Variants in CC2D1B observed in about 807,000 individuals in gnomAD.
The protein encoded by CC2D1B is coiled-coil and C2 domain-containing protein 1B.
CC2D1B carries 92 observed loss-of-function variants against 110.8 expected under a neutral mutation model. The observed-to-expected ratio is 0.83, with a 90% CI of 0.70 to 0.99. The LOEUF (loss-of-function observed/expected upper bound fraction) is 0.99. CC2D1B is among the 50% of genes least tolerant of loss of function. The pLI, the probability that CC2D1B is intolerant of heterozygous loss-of-function variation, is 0.00. For missense variants in CC2D1B, 1,136 were observed against 1,089.0 expected (o/e 1.04, Z -0.61); for synonymous variants, 406 against 429.2 (o/e 0.95, Z 0.67).
At chr1:52,353,776 T>C in intron 23 of CC2D1B, 129 bp from the exon 24 acceptor site, 1 of 655,664 alleles carries the variant, frequency 1.5e-6, no homozygotes. Flanking sequence ...GGAATCTCCA[T>C]TCATGAAAAC....
chr1:52,357,830 G>A lies in CC2D1B; in HGVS notation c.1530C>T (p.Arg510=). 1.3e-6 allele frequency: 2 copies of A among 1,594,100 alleles called. No individual in the cohort carries two copies. Among genetic ancestry groups the A allele is most frequent in the Non-Finnish European group, 1.7e-6 (2 of 1,170,708 alleles). The change falls in exon 14 of 25, where the codon CGC becomes CGT. Residue 510 remains arginine, a synonymous_variant. Coordinates refer to ENST00000284376, the MANE Select transcript of CC2D1B (RefSeq NM_001330585.2). ...PARPTVPSSQ[R]LPEPRASSSK... ...AACTTGAGGCCCTGGGCTCAGGCAG[G>A]CGCTGGGATGAAGGGACTGTGGGCC...
chr1:52,362,183 AAAG>A (rs1646794493), intron 3 of CC2D1B, among the ~76,000 whole-genome samples: 1 of 152,126 alleles, frequency 6.6e-6, no homozygotes, highest in Non-Finnish European at 1.5e-5. Context: ...TTCCCGGTGA[AAAG>A]AGAGGACGAT....
Position 52,356,286 on chromosome 1 carries a change from G to A in CC2D1B, c.1954C>T (p.Gln652Ter). The A allele has an allele frequency of 1.2e-6, 2 of 1,614,174 alleles. No individual in the cohort carries two copies. Among genetic ancestry groups the A allele is most frequent in the East Asian group, 2.2e-5 (1 of 44,880 alleles). Residue 652 changes from glutamine to a stop codon, truncating the protein, a stop_gained, in exon 18 of 25, where the codon CAG becomes TAG. Coordinates refer to ENST00000284376, the MANE Select transcript of CC2D1B (RefSeq NM_001330585.2). LOFTEE classifies it high-confidence loss of function. ...ATCTCCAGCTGTTTCTTGCGGTCCT[G>A]AGCAAGCTTCTCAAATCTGACAGGG... ...AETTRFEKLAQDRKKQLEILQ... is the reference protein window; with the variant it reads ...AETTRFEKLA
Position 52,355,380 on chromosome 1 carries a change from C to T in CC2D1B, c.2239+18G>A. The T allele has an allele frequency of 6.2e-7, 1 of 1,612,670 alleles. No individual in the cohort carries two copies. The highest frequency in any genetic ancestry group is 8.5e-7 in the Non-Finnish European group (1 of 1,178,896). On this transcript the variant is annotated intron_variant, in intron 21 of 24. Transcript: ENST00000284376. ...CACACTCTGAGGGAGGAGAAAGAGG[C>T]CCACGTGTGGCCCTCACCTGGAGAG...
In CC2D1B at chr1:52,361,508, C is replaced by T. The variant is rs1269818842; in HGVS notation, c.318+5G>A. 1.2e-6 allele frequency: 2 copies of T among 1,613,730 alleles called. No individual in the cohort carries two copies. Among genetic ancestry groups the T allele is most frequent in the African/African-American group, 1.3e-5 (1 of 74,916 alleles). ...AGCCCTGGGATACCAGCCTGGCAGA[C>T]ACACCAGCAGCTCTGCATCTTCCTC... On this transcript the variant is annotated splice_donor_5th_base_variant and intron_variant, in intron 4 of 24. Transcript: ENST00000284376.
chr1:52,355,634 G>A lies in CC2D1B; in HGVS notation c.2161C>T (p.Arg721Trp), dbSNP rs746033572. ...VTPDDLDAFV[R>W]FEFHYPNSDQ... ...GAGTTAGGGTAGTGAAACTCAAACC[G>A]CACAAAAGCATCCAGGTCATCGGGA... Residue 721 changes from arginine (R) to tryptophan (W), a missense_variant, in exon 20 of 25, where the codon CGG becomes TGG. Transcript: ENST00000284376. 9.3e-6 allele frequency: 15 copies of A among 1,614,150 alleles called. No homozygotes were observed. The highest frequency in any genetic ancestry group is 3.3e-4 in the Middle Eastern group (2 of 6,060).
chr1:52,356,723 G>A (rs1646660808), intron 16 of CC2D1B: 3 of 599,586 alleles, frequency 5.0e-6, no homozygotes, highest in Non-Finnish European at 8.8e-6. Flanking sequence ...CAGAACAGGT[G>A]GCAGTTCAGA....
intron 2 of CC2D1B, among the ~76,000 whole-genome samples, chr1:52,363,275 G>T (rs1365520374): frequency 6.6e-6 from 1 of 151,874 alleles, no homozygotes; most frequent in East Asian, 1.9e-4. Flanking sequence ...GGCGCCTGTA[G>T]TCCCAGCTAC....
Position 52,353,117 on chromosome 1 carries a change from T to A in CC2D1B, c.*108A>T, listed in dbSNP as rs1398056431. The A allele has an allele frequency of 8.7e-7, 1 of 1,147,746 alleles. No individual in the cohort carries two copies. Among genetic ancestry groups the A allele is most frequent in the Non-Finnish European group, 1.2e-6 (1 of 846,344 alleles). The allele number at this position is 1,147,746 out of a possible 1,614,324, so 71.1% of individuals were successfully genotyped here. On this transcript the variant is annotated 3_prime_UTR_variant, in exon 25 of 25. Transcript: ENST00000284376. ...ACATGCTTAACAGGTCTTTGGTGCT[T>A]GGGTAGCAGCATCTCTTATGTACAA...
At chr1:52,364,724 T>C in intron 1 of CC2D1B, 90 bp from the exon 2 acceptor site, 1 of 757,628 alleles carries the variant, frequency 1.3e-6, no homozygotes, top group Non-Finnish European at 2.1e-6. Context: ...GATAGTAAAC[T>C]CCCAAAGAAG....
In CC2D1B at chr1:52,353,102, C is replaced by G. The variant is rs940863734; in HGVS notation, c.*123G>C. The G allele has an allele frequency of 8.0e-6, 8 of 1,002,676 alleles. No individual in the cohort carries two copies. Among genetic ancestry groups the G allele is most frequent in the Non-Finnish European group, 9.8e-6 (7 of 714,428 alleles). The allele number at this position is 1,002,676 out of a possible 1,614,324, so 62.1% of individuals were successfully genotyped here. A position where few individuals can be genotyped will look rare whatever the true frequency, so the allele number is the denominator to read the frequency against. On this transcript the variant is annotated 3_prime_UTR_variant, in exon 25 of 25. Coordinates refer to ENST00000284376, the MANE Select transcript of CC2D1B (RefSeq NM_001330585.2). ...CGTGGTCAGTAGTGCACATGCTTAA[C>G]AGGTCTTTGGTGCTTGGGTAGCAGC... is the stretch of plus-strand genomic sequence containing the variant.
At chr1:52,362,842 G>A (rs1315227857) in intron 2 of CC2D1B, 96 bp from the exon 3 acceptor site, 6 of 1,283,296 alleles carry the variant, frequency 4.7e-6, no homozygotes, top group Non-Finnish European at 6.6e-6. Flanking sequence ...CCAATCAGTG[G>A]CTCCTTCAGT....
chr1:52,352,969 G>T lies in CC2D1B; in HGVS notation c.*256C>A. On this transcript the variant is annotated 3_prime_UTR_variant, in exon 25 of 25. Transcript: ENST00000284376. ...GGTACAGAGGAATGGAAGTGTCCTTGCCCTCTTCCAGACTCGGGGCAGGGG... is the reference window on the plus strand; with the variant it reads ...GGTACAGAGGAATGGAAGTGTCCTTTCCCTCTTCCAGACTCGGGGCAGGGG... The T allele has an allele frequency of 2.7e-6, 1 of 368,204 alleles. No homozygotes were observed. Among genetic ancestry groups the T allele is most frequent in the South Asian group, 2.1e-5 (1 of 47,440 alleles). 22.8% of individuals were successfully genotyped at this position (368,204 alleles called of 1,614,324 possible). A position where few individuals can be genotyped will look rare whatever the true frequency, so the allele number is the denominator to read the frequency against.
chr1:52,353,463 G>C (rs1646570287), intron 24 of CC2D1B, 55 bp downstream of exon 24: 1 of 1,563,754 alleles, frequency 6.4e-7, no homozygotes, highest in African/African-American at 1.4e-5. Context: ...GAGTTGAGTA[G>C]TTAGTTGAGT....
chr1:52,353,513 C>T lies in CC2D1B; in HGVS notation c.*1+5G>A. ...AAGGTTCTGAAGGCCCAGAGAGCTG[C>T]CCACCTCACAAGCCCCTGGGCTCCA... is the stretch of plus-strand genomic sequence containing the variant. On this transcript the variant is annotated splice_donor_5th_base_variant and intron_variant, in intron 24 of 24. Coordinates refer to ENST00000284376, the MANE Select transcript of CC2D1B (RefSeq NM_001330585.2). The T allele has an allele frequency of 6.2e-7, 1 of 1,609,054 alleles. No individual in the cohort carries two copies. The highest frequency in any genetic ancestry group is 1.3e-5 in the African/African-American group (1 of 74,702).
At position 52,361,071 on chromosome 1, in the gene CC2D1B, A is replaced by G. The variant is rs764158402; in HGVS notation, c.380T>C (p.Val127Ala). Reference sequence around the variant, plus strand: ...CTCCTCAGAGCCGCCTGGGTCAGCTACCTCATCACCATCCAGGGGCTCAGT... The same window carrying G: ...CTCCTCAGAGCCGCCTGGGTCAGCTGCCTCATCACCATCCAGGGGCTCAGT... ...EETEPLDGDE[V>A]ADPGGSEEEN... Residue 127 changes from valine to alanine, a missense_variant, in exon 5 of 25, where the codon GTA (valine) becomes GCA (alanine). By Grantham distance (64) the Val-to-Ala change is moderately conservative. Transcript: ENST00000284376. 2 of 1,613,782 alleles carry G rather than the reference A, an allele frequency of 1.2e-6. No individual in the cohort carries two copies. The highest frequency in any genetic ancestry group is 1.7e-6 in the Non-Finnish European group (2 of 1,179,964).
rs1646530634 is a variant in CC2D1B at position 52,351,552 on chromosome 1, TA to T, written c.*1672del. The stretch of plus-strand genomic sequence containing the variant: ...CATACACGTGACTGCAATTAAGTGT[TA>T]AATCTCACATCTGTGGAAGTTTTGG... On this transcript the variant is annotated 3_prime_UTR_variant, in exon 25 of 25. Transcript: ENST00000284376. 6.6e-6 allele frequency: 1 copy of T among 152,178 alleles called. No homozygotes were observed. Among genetic ancestry groups the T allele is most frequent in the Non-Finnish European group, 1.5e-5 (1 of 68,048 alleles). The allele number at this position is 152,178 out of a possible 1,614,324, so 9.4% of individuals were successfully genotyped here. A position where few individuals can be genotyped will look rare whatever the true frequency, so the allele number is the denominator to read the frequency against.
Position 52,357,112 on chromosome 1 carries a change from C to G in CC2D1B, c.1767G>C (p.Leu589Phe), listed in dbSNP as rs1309924470. 6.2e-7 allele frequency: 1 copy of G among 1,613,796 alleles called. No individual in the cohort carries two copies. Among genetic ancestry groups the G allele is most frequent in the African/African-American group, 1.3e-5 (1 of 74,912 alleles). ...GGATGAAGTCACCCTCCTCATCCGT[C>G]AAGGGCGAAGGCACCTACCCAGGTC... ...PVDLSKVPSP[L>F]TDEEGDFILI... Residue 589 changes from leucine to phenylalanine, a missense_variant, in exon 16 of 25, where the codon TTG becomes TTC. Physicochemically the swap from Leu to Phe is conservative, Grantham distance 22. Transcript: ENST00000284376.
chr1:52,356,638 G>A, intron 16 of CC2D1B, 196 bp from the exon 17 acceptor site: 1 of 634,880 alleles, frequency 1.6e-6, no homozygotes, highest in Non-Finnish European at 2.7e-6. Flanking sequence ...TCTCTTCTGA[G>A]GAGAGCCATT....
Sources: gnomAD v4.1 joint callset for allele counts (sites outside exome capture counted in the v4.1 genomes callset) on GRCh38, gnomAD v4.1.1 for gene constraint, MANE v1.5 for transcripts, NCBI Gene and HGNC (gene_info 2026-07-23, HGNC 2026-07-21) for gene names.